ANO6: variants seen among roughly 807,000 people sequenced by gnomAD.
The protein encoded by ANO6 is anoctamin 6.
Under a neutral mutation model 117.5 loss-of-function variants are expected in ANO6, and 106 were observed. The ratio of observed to expected loss-of-function variants is 0.90; its 90% CI spans 0.77 to 1.06. ANO6 has a LOEUF of 1.06. Ranked by LOEUF, ANO6 falls within the 50% of genes least tolerant of loss-of-function variation. The pLI, the probability that ANO6 is intolerant of heterozygous loss-of-function variation, is 0.00. For synonymous variants in ANO6, 367 were observed against 385.1 expected (o/e 0.95, Z 0.55); for missense variants, 955 against 1,121.1 (o/e 0.85, Z 2.12).
chr12:45,429,372 C>A lies in ANO6; in HGVS notation c.*61C>A. The stretch of plus-strand genomic sequence containing the variant: ...AGCTTTGTCAAAATATATTAGGAAT[C>A]ACTAATGAGAATGTGTAAGTTAAAT... On this transcript the variant is annotated 3_prime_UTR_variant, in exon 20 of 20. Transcript: ENST00000320560. 6.3e-7 allele frequency: 1 copy of A among 1,579,060 alleles called. No individual in the cohort carries two copies. Among genetic ancestry groups the A allele is most frequent in the South Asian group, 1.2e-5 (1 of 86,522 alleles).
At chr12:45,282,878 G>A (rs1458642167) in intron 1 of ANO6, among the ~76,000 whole-genome samples, 1 of 152,138 alleles carries the variant, frequency 6.6e-6, no homozygotes, top group African/African-American at 2.4e-5. Context: ...AATAGTTTGA[G>A]GTGTATCCTT....
intron 1 of ANO6, among the ~76,000 whole-genome samples, chr12:45,254,182 A>G (rs1226534051): frequency 6.6e-6 from 1 of 152,224 alleles, no homozygotes; most frequent in African/African-American, 2.4e-5. Context: ...AAAGTTCGCC[A>G]TTCTTACGAA....
intron 19 of ANO6, among the ~76,000 whole-genome samples, chr12:45,427,137 T>A (rs1943522895): frequency 6.6e-6 from 1 of 152,126 alleles, no homozygotes; most frequent in Non-Finnish European, 1.5e-5. Flanking sequence ...CCAATCTGGT[T>A]GGCTTTTCCT....
At chr12:45,321,653 C>T (rs770105977) in intron 2 of ANO6, among the ~76,000 whole-genome samples, 20 of 152,062 alleles carry the variant, frequency 1.3e-4, no homozygotes, top group African/African-American at 1.7e-4. Flanking sequence ...GCGTGTTGTT[C>T]ATTTTCGAGA....
rs1171904799 is a variant in ANO6 at position 45,431,719 on chromosome 12, A to G, written c.*2408A>G. On this transcript the variant is annotated 3_prime_UTR_variant, in exon 20 of 20. Transcript: ENST00000320560. ...AAGCATGGAGCTGTGTCTGCAGACA[A>G]TGGTGGCTGCATCTGTAAGTGGCTT... 4.1e-6 allele frequency: 4 copies of G among 985,452 alleles called. No homozygotes were observed. The highest frequency in any genetic ancestry group is 4.8e-6 in the Non-Finnish European group (4 of 829,954). 61.0% of individuals were successfully genotyped at this position (985,452 alleles called of 1,614,324 possible).
intron 1 of ANO6, among the ~76,000 whole-genome samples, chr12:45,243,684 A>G (rs777731885): frequency 6.6e-6 from 1 of 151,722 alleles, no homozygotes. Flanking sequence ...CAAGTAGCTG[A>G]GATTACAGTC....
At chr12:45,310,869 A>G (rs957457228) in intron 2 of ANO6, among the ~76,000 whole-genome samples, 8 of 151,840 alleles carry the variant, frequency 5.3e-5, no homozygotes, top group Non-Finnish European at 8.8e-5. Context: ...ATTCCCATAA[A>G]TGGAGACACT....
intron 1 of ANO6, among the ~76,000 whole-genome samples, chr12:45,264,442 C>G (rs1938148399): frequency 6.6e-6 from 1 of 152,148 alleles, no homozygotes; most frequent in African/African-American, 2.4e-5. Flanking sequence ...TAAAAGTAAT[C>G]AGTTATGTCT....
At chr12:45,318,932 A>G (rs573614958) in intron 2 of ANO6, among the ~76,000 whole-genome samples, 36 of 152,156 alleles carry the variant, frequency 2.4e-4, no homozygotes, top group Non-Finnish European at 4.9e-4. Context: ...TTATTGGTGT[A>G]TAAGAATGCT....
At chr12:45,289,299 T>C (rs948029671) in intron 1 of ANO6, among the ~76,000 whole-genome samples, 6 of 151,662 alleles carry the variant, frequency 4.0e-5, no homozygotes, top group African/African-American at 1.5e-4. Context: ...CCTGAGTAGC[T>C]CGGATTACAG....
At chr12:45,409,925 T>C (rs1189754358) in intron 16 of ANO6, among the ~76,000 whole-genome samples, 1 of 152,132 alleles carries the variant, frequency 6.6e-6, no homozygotes, top group Admixed American at 6.6e-5. Flanking sequence ...CCAGCTTATT[T>C]TTGGACTTTT....
At position 45,302,011 on chromosome 12, in the gene ANO6, T is replaced by C. The variant is rs1242841637; in HGVS notation, c.71-3T>C. ...ATTTGTTTATATATTCATTCGTTTTTAGTGTTGGAAAACCTTGGACAGACA... is the reference window on the plus strand; with the variant it reads ...ATTTGTTTATATATTCATTCGTTTTCAGTGTTGGAAAACCTTGGACAGACA... On this transcript the variant is annotated splice_region_variant and splice_polypyrimidine_tract_variant and intron_variant, in intron 1 of 19. Coordinates refer to ENST00000320560, the MANE Select transcript of ANO6 (RefSeq NM_001025356.3). 3.7e-6 allele frequency: 6 copies of C among 1,613,808 alleles called. No homozygotes were observed. The highest frequency in any genetic ancestry group is 1.7e-5 in the Admixed American group (1 of 60,000).
At chr12:45,429,072 T>A (rs745935969) in intron 19 of ANO6, 33 bp from the exon 20 acceptor site, 1 of 1,609,494 alleles carries the variant, frequency 6.2e-7, no homozygotes, top group South Asian at 1.1e-5. Context: ...TCCATTTCTT[T>A]GTGAGTGACA....
intron 3 of ANO6, among the ~76,000 whole-genome samples, chr12:45,344,682 G>A (rs577390072): frequency 5.3e-5 from 8 of 152,168 alleles, no homozygotes; most frequent in East Asian, 1.9e-4. Context: ...AAACCATGTC[G>A]GGCATATACT....
At chr12:45,393,644 C>T (rs1403489894) in intron 12 of ANO6, among the ~76,000 whole-genome samples, 1 of 152,212 alleles carries the variant, frequency 6.6e-6, no homozygotes, top group African/African-American at 2.4e-5. Flanking sequence ...AACAGCACAT[C>T]TCTTGGCAGA....
intron 9 of ANO6, among the ~76,000 whole-genome samples, chr12:45,372,596 A>G (rs1335966180): frequency 1.3e-5 from 2 of 148,868 alleles, no homozygotes; most frequent in Admixed American, 6.7e-5. Flanking sequence ...CCAGAATTTC[A>G]TATCCAGCCA....
rs1370657330 is a variant in ANO6 at position 45,303,311 on chromosome 12, G to T, written c.150+1218G>T. 2.0e-5 allele frequency among the ~76,000 whole-genome samples: 3 copies of T among 152,226 alleles called. No homozygotes were observed. In the East Asian group the frequency reaches 5.8e-4, roughly 29 times the overall value. ...TATTCCTGCATCTTAAAGTAGCAGA[G>T]CAATTTTGTGGGTTTTCTAACTTTT... On this transcript the variant is annotated intron_variant, in intron 2 of 19. Transcript: ENST00000320560.
intron 1 of ANO6, among the ~76,000 whole-genome samples, chr12:45,236,641 G>C (rs531085754): frequency 4.3e-4 from 66 of 152,306 alleles, no homozygotes; most frequent in Admixed American, 9.8e-4. Flanking sequence ...ATGGACATTT[G>C]GGTTGGTTCC....
chr12:45,371,860 A>T (rs1312087968), intron 9 of ANO6, among the ~76,000 whole-genome samples: 1 of 152,212 alleles, frequency 6.6e-6, no homozygotes, highest in Non-Finnish European at 1.5e-5. Flanking sequence ...AGCTGGATGG[A>T]GAATGACTTT....
Sources: gnomAD v4.1 joint callset for allele counts (sites outside exome capture counted in the v4.1 genomes callset) on GRCh38, gnomAD v4.1.1 for gene constraint, MANE v1.5 for transcripts, NCBI Gene and HGNC (gene_info 2026-07-23, HGNC 2026-07-21) for gene names.